Variants in SYNPR observed in about 807,000 individuals in gnomAD.
SYNPR encodes the protein synaptoporin.
SYNPR carries 23 observed loss-of-function variants against 32.9 expected under a neutral mutation model. The observed-to-expected ratio is 0.70, with a 90% CI of 0.50 to 0.99. The LOEUF (loss-of-function observed/expected upper bound fraction) is 0.99, where lower values mean the gene tolerates loss of function less well. Among genes scored for constraint, SYNPR ranks in the 50% least tolerant of loss-of-function variants. SYNPR has a pLI of 0.00. For missense variants in SYNPR, 318 were observed against 349.3 expected, an observed-to-expected ratio of 0.91 and a Z score of 0.71; for synonymous variants, 146 against 135.9, an observed-to-expected ratio of 1.07 and a Z score of -0.52.
At chr3:63,561,110 A>G (rs117291819) in intron 4 of SYNPR, among the ~76,000 whole-genome samples, 2 of 152,336 alleles carry the variant, frequency 1.3e-5, no homozygotes, top group East Asian at 3.9e-4. Context: ...GAAATCCGAT[A>G]CCCTTCCAAG....
chr3:63,314,442 T>C (rs1851667), intron 2 of SYNPR, among the ~76,000 whole-genome samples: 65,523 of 151,534 alleles, frequency 0.43, 14,397 homozygotes, highest in Middle Eastern at 0.52. Flanking sequence ...TACATTGTAG[T>C]TTTGATTTGC....
intron 2 of SYNPR, among the ~76,000 whole-genome samples, chr3:63,356,568 A>C (rs1308708475): frequency 1.3e-5 from 2 of 152,202 alleles, no homozygotes; most frequent in African/African-American, 4.8e-5. Context: ...GTCTTCCCTG[A>C]ATCCCAGACT....
intron 2 of SYNPR, among the ~76,000 whole-genome samples, chr3:63,406,037 G>A (rs1228773308): frequency 1.3e-5 from 2 of 152,042 alleles, no homozygotes; most frequent in Admixed American, 1.3e-4. Flanking sequence ...GGATCAGAGA[G>A]GTTCAGTTTC....
chr3:63,564,273 T>A (rs886201333), intron 4 of SYNPR, among the ~76,000 whole-genome samples: 19 of 150,316 alleles, frequency 1.3e-4, no homozygotes, highest in African/African-American at 3.9e-4. Context: ...CTCGGCTCAC[T>A]GCAACCACTG....
At chr3:63,271,402 A>G (rs2086534727) in intron 3 of SYNPR, among the ~76,000 whole-genome samples, 1 of 152,178 alleles carries the variant, frequency 6.6e-6, no homozygotes, top group Non-Finnish European at 1.5e-5. Context: ...GAATAAGGAA[A>G]TGATCCTTTT....
chr3:63,609,777 G>A (rs1700172555), intron 5 of SYNPR, among the ~76,000 whole-genome samples: 1 of 152,130 alleles, frequency 6.6e-6, no homozygotes, highest in African/African-American at 2.4e-5. Context: ...AGGCACGGTG[G>A]CTCATGCCTA....
At chr3:63,604,719 T>G (rs1435781223) in intron 4 of SYNPR, among the ~76,000 whole-genome samples, 1 of 152,196 alleles carries the variant, frequency 6.6e-6, no homozygotes, top group Non-Finnish European at 1.5e-5. Context: ...TTGATATGAT[T>G]TTCAAAAATT....
intron 2 of SYNPR, among the ~76,000 whole-genome samples, chr3:63,344,465 T>C (rs968413871): frequency 2.0e-5 from 3 of 152,020 alleles, no homozygotes; most frequent in African/African-American, 7.2e-5. Flanking sequence ...AATTGTAAAA[T>C]GTCTACTTAA....
chr3:63,615,373 C>A lies in SYNPR; in HGVS notation c.750C>A (p.Asp250Glu). 1 of 1,613,920 alleles carries A rather than the reference C, an allele frequency of 6.2e-7. No individual in the cohort carries two copies. The highest frequency in any genetic ancestry group is 8.5e-7 in the Non-Finnish European group (1 of 1,179,870). The change falls in exon 6 of 6, where the codon GAC (aspartate) becomes GAA (glutamate). Residue 250 changes from aspartate (D) to glutamate (E), a missense_variant. Transcript: ENST00000478300. ...SSYNQGGYNQ[D>E]SYGSSSGYSQ... is the part of the protein sequence containing the mutation. ...ATAATCAAGGTGGTTACAACCAAGACAGCTATGGATCAAGCAGTGGGTACA... is the reference window on the plus strand; with the variant it reads ...ATAATCAAGGTGGTTACAACCAAGAAAGCTATGGATCAAGCAGTGGGTACA...
intron 2 of SYNPR, among the ~76,000 whole-genome samples, chr3:63,337,513 T>C (rs191641978): frequency 1.3e-5 from 2 of 152,212 alleles, no homozygotes; most frequent in Admixed American, 6.5e-5. Flanking sequence ...CTTCTAGATA[T>C]TTACCCAAAT....
intron 2 of SYNPR, among the ~76,000 whole-genome samples, chr3:63,430,053 T>C (rs1455534491): frequency 6.6e-6 from 1 of 152,216 alleles, no homozygotes; most frequent in Non-Finnish European, 1.5e-5. Flanking sequence ...CTGATTTTTT[T>C]TTCTTGGTTC....
intron 2 of SYNPR, among the ~76,000 whole-genome samples, chr3:63,387,346 C>G (rs183284523): frequency 6.6e-5 from 10 of 152,238 alleles, no homozygotes; most frequent in Admixed American, 2.0e-4. Context: ...GGGTAAAAAT[C>G]TGTGAGGTCC....
At chr3:63,537,645 T>C (rs11915145) in intron 3 of SYNPR, among the ~76,000 whole-genome samples, 33,238 of 151,922 alleles carry the variant, frequency 0.22, 3,683 homozygotes, top group East Asian at 0.32. Flanking sequence ...CAAAATAATA[T>C]CTTCTGGTGG....
At chr3:63,534,169 G>T (rs1223369977) in intron 3 of SYNPR, among the ~76,000 whole-genome samples, 1 of 152,060 alleles carries the variant, frequency 6.6e-6, no homozygotes, top group Non-Finnish European at 1.5e-5. Context: ...TTGTTAAATT[G>T]CTTAGAAAGC....
rs556560959 is a variant in SYNPR, at chr3:63,232,876, T to C, written n.66+4496T>C. Among the ~76,000 whole-genome samples, 3 of 152,356 alleles carry C rather than the reference T, an allele frequency of 2.0e-5. No individual in the cohort carries two copies. In the South Asian group the frequency reaches 6.2e-4, roughly 32 times the overall value. ...GGAAGAGTTTTCCAAAGAATGCTTT[T>C]TGTTTGAATACTTCCATGTTTTAAA... On this transcript the variant is annotated intron_variant and non_coding_transcript_variant, in intron 1 of 4. Coordinates refer to the SYNPR transcript ENST00000478456.
chr3:63,247,239 T>C (rs1342725804), intron 1 of SYNPR, among the ~76,000 whole-genome samples: 2 of 152,134 alleles, frequency 1.3e-5, no homozygotes, highest in African/African-American at 4.8e-5. Flanking sequence ...TTCTAAATAC[T>C]ATTTGACTAT....
chr3:63,387,786 T>C (rs551613045), intron 2 of SYNPR, among the ~76,000 whole-genome samples: 51 of 152,154 alleles, frequency 3.4e-4, no homozygotes, highest in Admixed American at 7.9e-4. Flanking sequence ...AGATAAGAGG[T>C]TACAAAGCAG....
chr3:63,356,842 A>C (rs1461991807), intron 2 of SYNPR, among the ~76,000 whole-genome samples: 2 of 152,244 alleles, frequency 1.3e-5, no homozygotes, highest in African/African-American at 4.8e-5. Flanking sequence ...CAAATAAAAC[A>C]AAGCAATAAG....
chr3:63,573,054 GA>G (rs1702916492), intron 4 of SYNPR, among the ~76,000 whole-genome samples: 1 of 152,110 alleles, frequency 6.6e-6, no homozygotes, highest in Non-Finnish European at 1.5e-5. Flanking sequence ...AGTCAGCAAA[GA>G]AATTATAGTT....
Sources: gnomAD v4.1 joint callset for allele counts (sites outside exome capture counted in the v4.1 genomes callset) on GRCh38, gnomAD v4.1.1 for gene constraint, MANE v1.5 for transcripts, NCBI Gene and HGNC (gene_info 2026-07-23, HGNC 2026-07-21) for gene names.